The following IQGAP3 variants were observed in gnomAD, a reference collection of about 807,000 sequenced individuals.
IQGAP3 encodes the protein IQ motif containing GTPase activating protein 3.
A neutral mutation model predicts 208.2 loss-of-function variants in IQGAP3; 165 were observed. That is an observed-to-expected ratio of 0.79 (90% CI 0.70 to 0.90). IQGAP3 has a LOEUF of 0.90. Among genes scored for constraint, IQGAP3 ranks in the 40% least tolerant of loss-of-function variants. The pLI, the probability that IQGAP3 is intolerant of heterozygous loss-of-function variation, is 0.00. For synonymous variants in IQGAP3, 703 were observed against 803.6 expected (o/e 0.87, Z 2.12); for missense variants, 1,811 against 2,043.1 (o/e 0.89, Z 2.19).
At chr1:156,549,644 G>A (rs1571339438) in intron 16 of IQGAP3, among the ~76,000 whole-genome samples, 1 of 151,956 alleles carries the variant, frequency 6.6e-6, no homozygotes, top group Non-Finnish European at 1.5e-5. Context: ...TCTTAAAAAA[G>A]AAGCACTTTA....
chr1:156,552,435 G>A (rs1334954811), intron 13 of IQGAP3, among the ~76,000 whole-genome samples: 1 of 152,162 alleles, frequency 6.6e-6, no homozygotes, highest in Non-Finnish European at 1.5e-5. Flanking sequence ...TGATTTCCAA[G>A]TGAATGTCTA....
rs539737609 is a variant in IQGAP3 at position 156,538,658 on chromosome 1, C to T, written c.3281+151G>A. The T allele has an allele frequency of 1.8e-4, 118 of 643,788 alleles. 2 individuals are homozygous for T. The South Asian group carries it at 2.2e-3, about 12-fold the overall frequency. 39.9% of individuals were successfully genotyped at this position (643,788 alleles called of 1,614,324 possible). On this transcript the variant is annotated intron_variant, in intron 26 of 37. Transcript: ENST00000361170. ...GTCTAAAAGACTACCTTATTCATGCCTACAAAGCTGGTGTCATATTTGCAT... is the reference window on the plus strand; with the variant it reads ...GTCTAAAAGACTACCTTATTCATGCTTACAAAGCTGGTGTCATATTTGCAT...
chr1:156,556,439 T>G (rs1675823076), intron 12 of IQGAP3, 94 bp downstream of exon 12: 1 of 1,203,378 alleles, frequency 8.3e-7, no homozygotes, highest in Non-Finnish European at 1.2e-6. Flanking sequence ...CAGCATCTCA[T>G]ATCGCACTCA....
At chr1:156,535,371 A>G (rs1674643965) in intron 27 of IQGAP3, 124 bp from the exon 28 acceptor site, 2 of 669,168 alleles carry the variant, frequency 3.0e-6, no homozygotes, top group Non-Finnish European at 5.2e-6. Context: ...GTAGAGCTCA[A>G]GCACTGTCCC....
At chr1:156,567,021 C>A (rs1312716336) in intron 2 of IQGAP3, among the ~76,000 whole-genome samples, 1 of 152,088 alleles carries the variant, frequency 6.6e-6, no homozygotes, top group Non-Finnish European at 1.5e-5. Context: ...GCACACCCCA[C>A]CACGCCCAGC....
At position 156,544,001 on chromosome 1, in the gene IQGAP3, T is replaced by C; in HGVS notation, c.2510A>G (p.Gln837Arg). ...CTCACCTAATATCCTGTAGTCATCTTGGGCTTTCCTGGCTCGGAAAAATGC... is the reference window on the plus strand; with the variant it reads ...CTCACCTAATATCCTGTAGTCATCTCGGGCTTTCCTGGCTCGGAAAAATGC... ...IQAFFRARKAQDDYRILVHAP... is the reference protein window; with the variant it reads ...IQAFFRARKARDDYRILVHAP... The change falls in exon 22 of 38, where the codon CAA becomes CGA. Residue 837 changes from glutamine (Q) to arginine (R), a missense_variant. Transcript: ENST00000361170. 1.2e-6 allele frequency: 2 copies of C among 1,614,178 alleles called. No individual in the cohort carries two copies. The highest frequency in any genetic ancestry group is 2.2e-5 in the South Asian group (2 of 91,090).
At chr1:156,535,086 T>C in intron 28 of IQGAP3, 77 bp downstream of exon 28, 1 of 1,087,218 alleles carries the variant, frequency 9.2e-7, no homozygotes, top group Non-Finnish European at 1.4e-6. Context: ...TTTGTGTTTT[T>C]GTCTCAGTCT....
intron 13 of IQGAP3, among the ~76,000 whole-genome samples, chr1:156,552,699 T>C (rs1457898879): frequency 6.6e-6 from 1 of 152,224 alleles, no homozygotes; most frequent in African/African-American, 2.4e-5. Context: ...ATTACTCCAA[T>C]AGCTGTCTAA....
At chr1:156,570,683 C>A (rs1676608939) in intron 1 of IQGAP3, among the ~76,000 whole-genome samples, 2 of 152,158 alleles carry the variant, frequency 1.3e-5, no homozygotes, top group South Asian at 4.1e-4. Context: ...CTAATTCTTG[C>A]GTTTTTTGTT....
Position 156,538,998 on chromosome 1 carries a change from C to A in IQGAP3, c.3092G>T (p.Gly1031Val), listed in dbSNP as rs142726013. The change falls in exon 26 of 38, where the codon GGC becomes GTC. Residue 1031 changes from glycine to valine, a missense_variant. Physicochemically the swap from Gly to Val is moderately radical, Grantham distance 109. Transcript: ENST00000361170. Reference protein sequence around the residue: ...KVEQPQDVVTGNPTVVRLVVR... With the variant: ...KVEQPQDVVTVNPTVVRLVVR... Reference sequence around the variant, plus strand: ...CACCAGCCTCACCACTGTTGGGTTGCCTGTCACCACGTCCTGGGGCTGCTC... The same window carrying A: ...CACCAGCCTCACCACTGTTGGGTTGACTGTCACCACGTCCTGGGGCTGCTC... The A allele has an allele frequency of 1.8e-5, 29 of 1,614,130 alleles. No individual in the cohort carries two copies. Among genetic ancestry groups the A allele is most frequent in the Non-Finnish European group, 2.5e-5 (29 of 1,179,990 alleles).
At chr1:156,530,027 A>G (rs1674305891) in intron 34 of IQGAP3, 78 bp downstream of exon 34, 1 of 1,205,592 alleles carries the variant, frequency 8.3e-7, no homozygotes, top group Admixed American at 2.0e-5. Context: ...GCCCACCAAC[A>G]CTATGGATTA....
chr1:156,528,713 T>A, intron 35 of IQGAP3, 103 bp from the exon 36 acceptor site: 1 of 1,098,644 alleles, frequency 9.1e-7, no homozygotes, highest in Non-Finnish European at 1.3e-6. Flanking sequence ...GAGGAAGACT[T>A]CTCACTGATG....
chr1:156,538,185 C>T lies in IQGAP3; in HGVS notation c.3281+624G>A, dbSNP rs974500137. On this transcript the variant is annotated intron_variant, in intron 26 of 37. Coordinates refer to ENST00000361170, the MANE Select transcript of IQGAP3 (RefSeq NM_178229.5). The stretch of plus-strand genomic sequence containing the variant: ...ATGACATTCTCCTGCTTCAGCCTCC[C>T]GAGTAGCTAGGACTACAGGTGCCTG... Among the ~76,000 whole-genome samples the T allele has an allele frequency of 9.2e-5, 14 of 152,296 alleles. No individual in the cohort carries two copies. In the East Asian group the frequency reaches 1.5e-3, roughly 17 times the overall value.
chr1:156,568,862 G>C (rs1208425416), intron 2 of IQGAP3, among the ~76,000 whole-genome samples: 1 of 150,014 alleles, frequency 6.7e-6, no homozygotes, highest in Admixed American at 6.8e-5. Flanking sequence ...AGGAAAGAAA[G>C]AAAAGAAATA....
rs1238946914 is a variant in IQGAP3 at position 156,530,337 on chromosome 1, G to A, written c.4192-20C>T. On this transcript the variant is annotated intron_variant, in intron 33 of 37. Transcript: ENST00000361170. ...TGCTTCCTGGGGACACACAGACGCT[G>A]GAGGGGTCTACCAGGTCCTACCATT... 2.5e-6 allele frequency: 4 copies of A among 1,592,918 alleles called. No homozygotes were observed. The highest frequency in any genetic ancestry group is 2.2e-5 in the South Asian group (2 of 89,108).
chr1:156,534,648 C>T lies in IQGAP3; in HGVS notation c.3593G>A (p.Gly1198Asp), dbSNP rs770046394. The change falls in exon 29 of 38, where the codon GGT (glycine) becomes GAT (aspartate). Residue 1198 changes from glycine (G) to aspartate (D), a missense_variant. Physicochemically the swap from Gly to Asp is moderately conservative, Grantham distance 94 (BLOSUM62 -1). Coordinates refer to ENST00000361170, the MANE Select transcript of IQGAP3 (RefSeq NM_178229.5). The part of the protein sequence containing the change: ...DAFDIVAMAA[G>D]GALAAPQRHA... ...GCGCTGGGGGGCAGCCAGGGCTCCACCAGCTGCCATGGCCACAATGTCGAA... is the reference window on the plus strand; with the variant it reads ...GCGCTGGGGGGCAGCCAGGGCTCCATCAGCTGCCATGGCCACAATGTCGAA... 32 of 1,611,842 alleles carry T rather than the reference C, an allele frequency of 2.0e-5. No individual in the cohort carries two copies. Among genetic ancestry groups the T allele is most frequent in the Non-Finnish European group, 2.7e-5 (32 of 1,179,652 alleles).
intron 15 of IQGAP3, 72 bp from the exon 16 acceptor site, chr1:156,550,423 C>T (rs1675496556): frequency 2.7e-6 from 3 of 1,117,592 alleles, no homozygotes; most frequent in East Asian, 4.9e-5. Flanking sequence ...CCAAGATGCC[C>T]AAGGGAACCA....
At chr1:156,540,080 A>G in intron 23 of IQGAP3, 90 bp from the exon 24 acceptor site, 2 of 1,452,396 alleles carry the variant, frequency 1.4e-6, no homozygotes, top group South Asian at 2.4e-5. Context: ...TTGAAGAGCC[A>G]GGGCTTTCTG....
At chr1:156,554,498 CA>C in intron 12 of IQGAP3, 106 bp from the exon 13 acceptor site, 1 of 1,122,180 alleles carries the variant, frequency 8.9e-7, no homozygotes, top group Non-Finnish European at 1.2e-6. Context: ...GTCTCTATCC[CA>C]AAACCCCAGT....
Sources: gnomAD v4.1 joint callset for allele counts (sites outside exome capture counted in the v4.1 genomes callset) on GRCh38, gnomAD v4.1.1 for gene constraint, MANE v1.5 for transcripts, NCBI Gene and HGNC (gene_info 2026-07-23, HGNC 2026-07-21) for gene names.